WDR70: variants seen among roughly 807,000 people sequenced by gnomAD.
WDR70 encodes the protein WD repeat domain 70.
In WDR70, 53 loss-of-function variants were observed where a neutral mutation model predicts 88.6. The observed-to-expected ratio is 0.60, with a 90% CI of 0.48 to 0.75. The LOEUF (loss-of-function observed/expected upper bound fraction) is 0.75. Among genes scored for constraint, WDR70 ranks in the 30% least tolerant of loss-of-function variants. WDR70 has a pLI of 0.00. For missense variants in WDR70, 610 were observed against 823.2 expected (o/e 0.74, Z 3.17); for synonymous variants, 280 against 270.0 (o/e 1.04, Z -0.36).
chr5:37,736,525 A>G (rs889012796), intron 17 of WDR70, among the ~76,000 whole-genome samples: 4 of 152,070 alleles, frequency 2.6e-5, no homozygotes, highest in African/African-American at 4.8e-5. Context: ...TTAGGTGACT[A>G]ATTGTCACTC....
At chr5:37,584,779 C>T (rs1743318136) in intron 9 of WDR70, among the ~76,000 whole-genome samples, 2 of 151,788 alleles carry the variant, frequency 1.3e-5, no homozygotes, top group Admixed American at 6.6e-5. Flanking sequence ...TGGCAGCACT[C>T]ACAGTAAAGG....
intron 10 of WDR70, among the ~76,000 whole-genome samples, chr5:37,691,118 G>A (rs1322908225): frequency 1.3e-5 from 2 of 152,096 alleles, no homozygotes; most frequent in African/African-American, 4.8e-5. Context: ...AAGATCAAAA[G>A]ATACAAAGCC....
At chr5:37,455,429 A>G (rs894726539) in intron 7 of WDR70, among the ~76,000 whole-genome samples, 11 of 150,758 alleles carry the variant, frequency 7.3e-5, no homozygotes, top group Non-Finnish European at 1.6e-4. Flanking sequence ...TTTAGTAGAG[A>G]CGGGGTTTCA....
At chr5:37,618,723 A>C (rs982541072) in intron 10 of WDR70, among the ~76,000 whole-genome samples, 1 of 152,112 alleles carries the variant, frequency 6.6e-6, no homozygotes, top group Non-Finnish European at 1.5e-5. Flanking sequence ...GAGTTTGGAT[A>C]CTCTTCTGAG....
chr5:37,396,763 A>G (rs1749026889), intron 5 of WDR70, among the ~76,000 whole-genome samples, 193 bp downstream of exon 5: 1 of 152,080 alleles, frequency 6.6e-6, no homozygotes, highest in South Asian at 2.1e-4. Context: ...CCTGGGAGGC[A>G]GAGGTTGCAA....
At chr5:37,617,479 A>G (rs991922897) in intron 10 of WDR70, among the ~76,000 whole-genome samples, 2 of 152,240 alleles carry the variant, frequency 1.3e-5, no homozygotes, top group Non-Finnish European at 2.9e-5. Context: ...AAAATGGATT[A>G]TAATGTTTTT....
chr5:37,564,694 A>C (rs148946820), intron 9 of WDR70, among the ~76,000 whole-genome samples: 1 of 152,218 alleles, frequency 6.6e-6, no homozygotes, highest in African/African-American at 2.4e-5. Context: ...GATAGAAAAA[A>C]ATTTTTACTT....
chr5:37,506,712 A>G (rs1161825450), intron 8 of WDR70: 1 of 825,582 alleles, frequency 1.2e-6, no homozygotes, highest in African/African-American at 1.7e-5. Flanking sequence ...ATCATCAGTC[A>G]GTCCACCTTT....
At chr5:37,425,415 T>A (rs1206066729) in intron 5 of WDR70, among the ~76,000 whole-genome samples, 1 of 152,226 alleles carries the variant, frequency 6.6e-6, no homozygotes, top group Non-Finnish European at 1.5e-5. Flanking sequence ...AGATGACCTT[T>A]GAGAAGACTT....
intron 10 of WDR70, among the ~76,000 whole-genome samples, chr5:37,645,515 A>C (rs1056397811): frequency 1.3e-5 from 2 of 152,068 alleles, no homozygotes; most frequent in African/African-American, 4.8e-5. Context: ...AGATTAAGTC[A>C]GATGTTTCTT....
Position 37,621,676 on chromosome 5 carries a change from G to A in WDR70, c.1092+16438G>A, listed in dbSNP as rs192771643. On this transcript the variant is annotated intron_variant, in intron 10 of 17. Transcript: ENST00000265107. Reference sequence around the variant, plus strand: ...GCAAAAATTTTCTCCCATTCTGTAGGTTGCCTGTTCACTCTGATGGTGTTT... The same window carrying A: ...GCAAAAATTTTCTCCCATTCTGTAGATTGCCTGTTCACTCTGATGGTGTTT... 2.6e-5 allele frequency among the ~76,000 whole-genome samples: 4 copies of A among 152,210 alleles called. No individual in the cohort carries two copies. In the East Asian group the frequency reaches 5.8e-4, roughly 22 times the overall value.
Position 37,752,840 on chromosome 5 carries a change from A to G in WDR70, c.*267A>G, listed in dbSNP as rs768136683. 5.5e-5 allele frequency: 17 copies of G among 308,432 alleles called. No homozygotes were observed. Among genetic ancestry groups the G allele is most frequent in the Non-Finnish European group, 1.0e-4 (17 of 170,346 alleles). 19.1% of individuals were successfully genotyped at this position (308,432 alleles called of 1,614,324 possible). A position where few individuals can be genotyped will look rare whatever the true frequency, so the allele number is the denominator to read the frequency against. On this transcript the variant is annotated 3_prime_UTR_variant, in exon 18 of 18. Coordinates refer to ENST00000265107, the MANE Select transcript of WDR70 (RefSeq NM_018034.4). ...CTTTAGGTATTTGGAAACTTTATTC[A>G]ACAATTATTGGTCTTGTCCAGATTC...
At chr5:37,463,389 C>T (rs1435458798) in intron 7 of WDR70, among the ~76,000 whole-genome samples, 2 of 152,140 alleles carry the variant, frequency 1.3e-5, no homozygotes, top group Admixed American at 6.5e-5. Context: ...TTCCAGTGCA[C>T]TTTTCACTAC....
intron 7 of WDR70, among the ~76,000 whole-genome samples, chr5:37,446,554 A>C (rs1308482980): frequency 6.6e-6 from 1 of 152,252 alleles, no homozygotes; most frequent in African/African-American, 2.4e-5. Flanking sequence ...ACAAGGCTAC[A>C]GGAACCAAAA....
At chr5:37,638,226 T>G (rs535171093) in intron 10 of WDR70, among the ~76,000 whole-genome samples, 1 of 152,348 alleles carries the variant, frequency 6.6e-6, no homozygotes, top group South Asian at 2.1e-4. Context: ...AATGAATTTA[T>G]GTTGTAAGAG....
At chr5:37,524,191 A>T (rs1195131326) in intron 9 of WDR70, among the ~76,000 whole-genome samples, 2 of 152,216 alleles carry the variant, frequency 1.3e-5, no homozygotes, top group Admixed American at 6.5e-5. Context: ...GATTCACCAA[A>T]GTTGAAATGA....
rs1479156876 is a variant in WDR70, at chr5:37,722,874, G to T, written c.1537G>T (p.Val513Phe). The change falls in exon 15 of 18, where the codon GTT becomes TTT. Residue 513 changes from valine (V) to phenylalanine (F), a missense_variant. Transcript: ENST00000265107. ...KSQRGAKLCV[V>F]KTQRKAKQAE... Reference sequence around the variant, plus strand: ...CGTTAGGGGAGCAAAATTATGTGTGGTTAAAACCCAGCGGAAGGCAAAACA... The same window carrying T: ...CGTTAGGGGAGCAAAATTATGTGTGTTTAAAACCCAGCGGAAGGCAAAACA... 2 of 1,613,538 alleles carry T rather than the reference G, an allele frequency of 1.2e-6. No individual in the cohort carries two copies. The highest frequency in any genetic ancestry group is 2.2e-5 in the South Asian group (2 of 91,072).
chr5:37,590,229 C>A (rs1260379430), intron 9 of WDR70, among the ~76,000 whole-genome samples: 1 of 152,042 alleles, frequency 6.6e-6, no homozygotes, highest in Admixed American at 6.5e-5. Flanking sequence ...CCATTGTGAC[C>A]ATTTAATTTA....
At chr5:37,486,668 C>G (rs1200358081) in intron 8 of WDR70, among the ~76,000 whole-genome samples, 1 of 152,028 alleles carries the variant, frequency 6.6e-6, no homozygotes, top group Non-Finnish European at 1.5e-5. Context: ...AATAACCATT[C>G]TGACTGGTGT....
Sources: allele counts gnomAD v4.1 joint callset (sites outside exome capture counted in the v4.1 genomes callset), GRCh38; gene constraint gnomAD v4.1.1; transcripts MANE v1.5; gene names NCBI Gene and HGNC (gene_info 2026-07-23, HGNC 2026-07-21).